BRINP2: variants seen among roughly 807,000 people sequenced by gnomAD.
The protein encoded by BRINP2 is BMP/retinoic acid-inducible neural-specific protein 2.
BRINP2 carries 21 observed loss-of-function variants against 69.2 expected under a neutral mutation model. That is an observed-to-expected ratio of 0.30 (90% CI 0.22 to 0.44). BRINP2 has a LOEUF of 0.44. BRINP2 is among the 20% of genes least tolerant of loss of function. The probability of loss-of-function intolerance (pLI) is 1.00; values close to 1 mark genes in which losing one functional copy is unlikely to be tolerated. For missense variants in BRINP2, 877 were observed against 986.0 expected, an observed-to-expected ratio of 0.89 and a Z score of 1.48; for synonymous variants, 380 against 394.1, an observed-to-expected ratio of 0.96 and a Z score of 0.42.
chr1:177,265,937 G>T (rs922779917), intron 4 of BRINP2, among the ~76,000 whole-genome samples: 1 of 151,820 alleles, frequency 6.6e-6, no homozygotes, highest in African/African-American at 2.4e-5. Flanking sequence ...TGGCTAATAT[G>T]GTGAAACCCT....
intron 1 of BRINP2, among the ~76,000 whole-genome samples, chr1:177,225,671 A>G (rs1649671048): frequency 6.6e-6 from 1 of 152,264 alleles, no homozygotes; most frequent in Admixed American, 6.5e-5. Context: ...GGAAATGGCC[A>G]AAAGCTGTTC....
At chr1:177,193,298 A>C (rs573051248) in intron 1 of BRINP2, among the ~76,000 whole-genome samples, 5 of 152,350 alleles carry the variant, frequency 3.3e-5, no homozygotes, top group African/African-American at 1.2e-4. Context: ...AACAGTTTTG[A>C]TCAGCAATAA....
chr1:177,256,121 C>T lies in BRINP2; in HGVS notation c.460+12C>T, dbSNP rs753376799. ...TGCCACCCTTGGAGGTAAGCAACAT[C>T]ACAATCCCAAGCTAATTGGTTGCCA... is the stretch of plus-strand genomic sequence containing the variant. On this transcript the variant is annotated intron_variant, in intron 3 of 7. Coordinates refer to ENST00000361539, the MANE Select transcript of BRINP2 (RefSeq NM_021165.4). The T allele has an allele frequency of 1.2e-6, 2 of 1,612,270 alleles. No individual in the cohort carries two copies. Among genetic ancestry groups the T allele is most frequent in the Non-Finnish European group, 1.7e-6 (2 of 1,178,604 alleles).
At chr1:177,263,541 T>C (rs557789862) in intron 4 of BRINP2, among the ~76,000 whole-genome samples, 2 of 152,252 alleles carry the variant, frequency 1.3e-5, no homozygotes, top group East Asian at 1.9e-4. Context: ...GGGGAAACCA[T>C]GTCCTCAGGG....
chr1:177,213,047 C>T (rs1649276157), intron 1 of BRINP2, among the ~76,000 whole-genome samples: 1 of 152,118 alleles, frequency 6.6e-6, no homozygotes, highest in Non-Finnish European at 1.5e-5. Flanking sequence ...TCCTATTAAG[C>T]ATGAACCCAG....
chr1:177,250,835 G>T (rs1342132048), intron 2 of BRINP2, among the ~76,000 whole-genome samples: 1 of 152,228 alleles, frequency 6.6e-6, no homozygotes, highest in African/African-American at 2.4e-5. Flanking sequence ...GACAGTCTGT[G>T]TTTAAATCCT....
intron 4 of BRINP2, among the ~76,000 whole-genome samples, chr1:177,261,954 T>C (rs1158054124): frequency 6.6e-6 from 1 of 152,134 alleles, no homozygotes; most frequent in Non-Finnish European, 1.5e-5. Flanking sequence ...AAGGTGAAGA[T>C]TGAGACTCGA....
intron 4 of BRINP2, among the ~76,000 whole-genome samples, chr1:177,258,395 G>C (rs1650838356): frequency 6.6e-6 from 1 of 152,162 alleles, no homozygotes; most frequent in Non-Finnish European, 1.5e-5. Context: ...CGTATTATTT[G>C]TCAGGCACTG....
At chr1:177,222,931 A>G (rs1050743982) in intron 1 of BRINP2, among the ~76,000 whole-genome samples, 1 of 152,128 alleles carries the variant, frequency 6.6e-6, no homozygotes, top group African/African-American at 2.4e-5. Context: ...GAGGATGGAA[A>G]TGGTTTTGAG....
intron 2 of BRINP2, among the ~76,000 whole-genome samples, chr1:177,230,468 G>C (rs535462884): frequency 1.4e-4 from 22 of 152,314 alleles, no homozygotes; most frequent in African/African-American, 5.3e-4. Flanking sequence ...CCAGGCTGCC[G>C]TAGGAGGTCA....
chr1:177,228,033 G>T (rs1023670602), intron 1 of BRINP2, among the ~76,000 whole-genome samples: 1 of 152,108 alleles, frequency 6.6e-6, no homozygotes, highest in Non-Finnish European at 1.5e-5. Flanking sequence ...CTTTATCAAG[G>T]TCTGGTCATG....
intron 2 of BRINP2, among the ~76,000 whole-genome samples, chr1:177,244,423 T>C (rs1650309185): frequency 6.6e-6 from 1 of 152,184 alleles, no homozygotes; most frequent in African/African-American, 2.4e-5. Context: ...CATTTAACTA[T>C]TGCTACAATG....
chr1:177,210,721 AT>A (rs1418344015), intron 1 of BRINP2, among the ~76,000 whole-genome samples: 3 of 151,930 alleles, frequency 2.0e-5, no homozygotes, highest in African/African-American at 7.2e-5. Flanking sequence ...AGGTGAATCT[AT>A]TTTTTAACTA....
chr1:177,253,004 A>C (rs530526226), intron 2 of BRINP2, among the ~76,000 whole-genome samples: 119 of 152,248 alleles, frequency 7.8e-4, no homozygotes, highest in African/African-American at 2.5e-3. Flanking sequence ...TGCTGCAATA[A>C]ACATGAGGGT....
intron 2 of BRINP2, among the ~76,000 whole-genome samples, chr1:177,242,587 C>T (rs780120776): frequency 1.3e-5 from 2 of 152,158 alleles, no homozygotes; most frequent in African/African-American, 2.4e-5. Flanking sequence ...TTCTTTGACT[C>T]CTACAAGAGT....
rs191197202 is a variant in BRINP2 at position 177,261,981 on chromosome 1, A to G, written c.669+4597A>G. 1.8e-3 allele frequency among the ~76,000 whole-genome samples: 279 copies of G among 152,354 alleles called. 3 individuals carry two copies. The highest frequency in any genetic ancestry group is 6.3e-3 in the African/African-American group (261 of 41,592). Reference sequence around the variant, plus strand: ...GAGACTCGACCTTCAATTTGGTGACATGGAGGTCACTGGTAACCTGGAGAA... The same window carrying G: ...GAGACTCGACCTTCAATTTGGTGACGTGGAGGTCACTGGTAACCTGGAGAA... On this transcript the variant is annotated intron_variant, in intron 4 of 7. Coordinates refer to ENST00000361539, the MANE Select transcript of BRINP2 (RefSeq NM_021165.4).
intron 1 of BRINP2, among the ~76,000 whole-genome samples, chr1:177,181,746 C>G (rs376494453): frequency 6.6e-6 from 1 of 152,124 alleles, no homozygotes; most frequent in Admixed American, 6.5e-5. Context: ...TCTTGGGAGG[C>G]GCCCTGCACA....
Position 177,257,300 on chromosome 1 carries a change from C to T in BRINP2, c.585C>T (p.His195=). Residue 195 remains histidine, a synonymous_variant, in exon 4 of 8, where the codon CAC becomes CAT. Coordinates refer to ENST00000361539, the MANE Select transcript of BRINP2 (RefSeq NM_021165.4). ...CAGCTGTGTCCCTGGAGACCCTGCACCAGCTGGCCGCCTCCTACTTCATCG... is the reference window on the plus strand; with the variant it reads ...CAGCTGTGTCCCTGGAGACCCTGCATCAGCTGGCCGCCTCCTACTTCATCG... ...NSTAVSLETL[H]QLAASYFIDR... 1 of 1,614,072 alleles carries T rather than the reference C, an allele frequency of 6.2e-7. No homozygotes were observed. The highest frequency in any genetic ancestry group is 1.7e-5 in the Admixed American group (1 of 60,000).
At chr1:177,190,861 T>C (rs1025457671) in intron 1 of BRINP2, among the ~76,000 whole-genome samples, 1 of 152,208 alleles carries the variant, frequency 6.6e-6, no homozygotes, top group Non-Finnish European at 1.5e-5. Flanking sequence ...GCAGATGATC[T>C]TTGTGTATCT....
Sources: gnomAD v4.1 joint callset for allele counts (sites outside exome capture counted in the v4.1 genomes callset) on GRCh38, gnomAD v4.1.1 for gene constraint, MANE v1.5 for transcripts, NCBI Gene and HGNC (gene_info 2026-07-23, HGNC 2026-07-21) for gene names.